Variants in ABR observed in about 807,000 individuals in gnomAD.
ABR encodes active breakpoint cluster region-related protein.
In ABR, 35 loss-of-function variants were observed where a neutral mutation model predicts 107.2. The observed-to-expected ratio is 0.33, with a 90% CI of 0.25 to 0.43. ABR has a LOEUF of 0.43. Among genes scored for constraint, ABR ranks in the 20% least tolerant of loss-of-function variants. ABR has a pLI of 1.00. For missense variants in ABR, 815 were observed against 1,115.2 expected (o/e 0.73, Z 3.83); for synonymous variants, 498 against 462.0 (o/e 1.08, Z -1.00).
upstream of ABR, among the ~76,000 whole-genome samples, chr17:1,182,524 C>T (rs1319493747): frequency 2.6e-5 from 4 of 152,106 alleles, no homozygotes; most frequent in South Asian, 2.1e-4. Context: ...CGTGCCACCA[C>T]GCCTGGCTAA....
intron 18 of ABR, 131 bp from the exon 19 acceptor site, chr17:1,012,116 G>T: frequency 6.8e-7 from 1 of 1,466,226 alleles, no homozygotes; most frequent in Non-Finnish European, 9.3e-7. Flanking sequence ...GGGGGCAGGG[G>T]CAGGGCAGAG....
At chr17:1,073,756 C>G in intron 6 of ABR, 79 bp from the exon 7 acceptor site, 3 of 1,327,104 alleles carry the variant, frequency 2.3e-6, no homozygotes, top group Non-Finnish European at 3.1e-6. Context: ...AGCTTCGTCC[C>G]CCCACCCGCA....
At chr17:1,073,194 A>G (rs1314006360) in intron 7 of ABR, among the ~76,000 whole-genome samples, 3 of 151,254 alleles carry the variant, frequency 2.0e-5, no homozygotes, top group Non-Finnish European at 4.4e-5. Context: ...AAAAAAAAAA[A>G]AAAAAAAAAT....
rs200816185 is a variant in ABR, at chr17:1,058,920, G to A, written c.1183-53C>T. ...CCCCTCACACTCGGGCCTTTCTCACGAGCAGCACTAAGCACGACACTCCAC... is the reference window on the plus strand; with the variant it reads ...CCCCTCACACTCGGGCCTTTCTCACAAGCAGCACTAAGCACGACACTCCAC... On this transcript the variant is annotated intron_variant, in intron 10 of 22. Transcript: ENST00000302538. 1.2e-4 allele frequency: 187 copies of A among 1,607,892 alleles called. 2 individuals carry two copies. In the South Asian group the frequency reaches 1.7e-3, roughly 14 times the overall value.
chr17:1,022,277 G>A (rs552380344), intron 16 of ABR, among the ~76,000 whole-genome samples: 245 of 152,254 alleles, frequency 1.6e-3, no homozygotes, highest in Non-Finnish European at 2.8e-3. Flanking sequence ...GGGTGGGCAC[G>A]TTTCCTGGGG....
intron 1 of ABR, among the ~76,000 whole-genome samples, chr17:1,168,446 G>C (rs1205539947): frequency 6.6e-6 from 1 of 152,240 alleles, no homozygotes; most frequent in African/African-American, 2.4e-5. Flanking sequence ...GAGGCTTGAA[G>C]CTGGTTAGAT....
At chr17:1,227,090 G>A (rs1005529571) in intron 1 of ABR, among the ~76,000 whole-genome samples, 1 of 152,202 alleles carries the variant, frequency 6.6e-6, no homozygotes, top group South Asian at 2.1e-4. Context: ...CACGTCTGTA[G>A]TCCTGAGGAA....
At chr17:1,134,417 A>C (rs1474885204) in intron 1 of ABR, among the ~76,000 whole-genome samples, 1 of 113,300 alleles carries the variant, frequency 8.8e-6, no homozygotes, top group East Asian at 2.9e-4. Flanking sequence ...CTCTCAAAAA[A>C]ATAAAAATTA....
intron 16 of ABR, among the ~76,000 whole-genome samples, chr17:1,019,340 G>A (rs1335896985): frequency 1.3e-5 from 2 of 152,346 alleles, no homozygotes; most frequent in African/African-American, 2.4e-5. Context: ...CCTCCCAGGC[G>A]ACACTTGCTG....
At chr17:1,058,701 A>C (rs2033613701) in intron 11 of ABR, 44 bp downstream of exon 11, 20 of 1,607,484 alleles carry the variant, frequency 1.2e-5, no homozygotes, top group Non-Finnish European at 1.7e-5. Flanking sequence ...GCTGCTCTGG[A>C]CTAAGGAAGG....
intron 1 of ABR, among the ~76,000 whole-genome samples, chr17:1,141,433 C>T (rs2040279167): frequency 6.6e-6 from 1 of 152,176 alleles, no homozygotes; most frequent in African/African-American, 2.4e-5. Context: ...AGCTACTTAG[C>T]CATTCAGAGC....
At position 1,067,171 on chromosome 17, in the gene ABR, G is replaced by C. The variant is rs116573390; in HGVS notation, c.1088C>G (p.Ser363Cys). The change falls in exon 10 of 23, where the codon TCT becomes TGT. Residue 363 changes from serine (S) to cysteine (C), a missense_variant. Transcript: ENST00000302538. ...GGGGTGCACCTGGGGGCTGGCCTCA[G>C]ACTCCTCGGGGGATGGAAACACCAG... Reference protein sequence around the residue: ...ADLVFPSPEESEASPQVHPFP... With the variant: ...ADLVFPSPEECEASPQVHPFP... The C allele has an allele frequency of 6.2e-7, 1 of 1,613,776 alleles. No individual in the cohort carries two copies. Among genetic ancestry groups the C allele is most frequent in the African/African-American group, 1.3e-5 (1 of 75,014 alleles).
chr17:1,038,034 C>T (rs971882689), intron 16 of ABR, among the ~76,000 whole-genome samples: 3 of 152,172 alleles, frequency 2.0e-5, no homozygotes, highest in Admixed American at 6.5e-5. Context: ...CCCACCTCGT[C>T]GGATAAAAGC....
chr17:1,086,852 T>C (rs1051589271), intron 4 of ABR, among the ~76,000 whole-genome samples: 2 of 152,022 alleles, frequency 1.3e-5, no homozygotes, highest in Admixed American at 6.6e-5. Flanking sequence ...CACACACCTA[T>C]AGCCCTCGCT....
chr17:1,047,018 C>G (rs2031727755), intron 16 of ABR, among the ~76,000 whole-genome samples: 1 of 152,242 alleles, frequency 6.6e-6, no homozygotes, highest in Admixed American at 6.5e-5. Flanking sequence ...ACTGCCCCAT[C>G]AGGCGACCCA....
intron 1 of ABR, among the ~76,000 whole-genome samples, chr17:1,127,809 G>A (rs556507683): frequency 1.3e-5 from 2 of 152,336 alleles, no homozygotes; most frequent in Admixed American, 6.5e-5. Context: ...CGGTAGGGAA[G>A]GTCTCTGCCA....
chr17:1,159,093 A>C (rs2041156053), intron 1 of ABR, among the ~76,000 whole-genome samples: 1 of 152,234 alleles, frequency 6.6e-6, no homozygotes, highest in African/African-American at 2.4e-5. Context: ...CGTAAAACTA[A>C]ACTATGCAGG....
chr17:1,131,180 C>A (rs922611523), intron 1 of ABR, among the ~76,000 whole-genome samples: 1 of 122,946 alleles, frequency 8.1e-6, no homozygotes, highest in African/African-American at 3.2e-5. Flanking sequence ...ACAGCTCCCC[C>A]CTTTGCACAC....
At chr17:1,012,504 T>C in intron 18 of ABR, 184 bp downstream of exon 18, 1 of 701,934 alleles carries the variant, frequency 1.4e-6, no homozygotes, top group Non-Finnish European at 2.6e-6. Flanking sequence ...GCTCGCGTGC[T>C]TCTGAAGTGT....
Sources: allele counts gnomAD v4.1 joint callset (sites outside exome capture counted in the v4.1 genomes callset), GRCh38; gene constraint gnomAD v4.1.1; transcripts MANE v1.5; gene names NCBI Gene and HGNC (gene_info 2026-07-23, HGNC 2026-07-21).